The following RP2 variants were observed in gnomAD, a reference collection of about 807,000 sequenced individuals.
RP2 encodes RP2 activator of ARL3 GTPase, also known as protein XRP2.
In RP2, 3 loss-of-function variants were observed where a neutral mutation model predicts 20.3. The observed-to-expected ratio is 0.15, with a 90% confidence interval of 0.07 to 0.38. RP2 has a LOEUF of 0.38. Ranked by LOEUF, RP2 falls within the 10% of genes least tolerant of loss-of-function variation. RP2 has a pLI of 1.00. For missense variants in RP2, 233 were observed against 268.5 expected (o/e 0.87, Z 0.92); for synonymous variants, 75 against 94.8 (o/e 0.79, Z 1.22).
chrX:46,856,564 G>A (rs988831640), intron 2 of RP2, among the ~76,000 whole-genome samples: 8 of 112,196 alleles, frequency 7.1e-5, no homozygotes, highest in Middle Eastern at 4.7e-3. Context: ...ACCATAAAGA[G>A]GGTAAGTACC....
At chrX:46,847,779 C>CACACGTGTGTGTGTAT (rs1569531400) in intron 1 of RP2, among the ~76,000 whole-genome samples, 2 of 81,985 alleles carry the variant, frequency 2.4e-5, no homozygotes, top group South Asian at 1.1e-3. Context: ...TGTGTGTGTA[C>CACACGTGTGTGTGTAT]ATACACACAT....
chrX:46,864,471 G>A (rs781866879), intron 3 of RP2, among the ~76,000 whole-genome samples: 9 of 106,615 alleles, frequency 8.4e-5, no homozygotes, highest in African/African-American at 2.8e-4. Context: ...CTCTGACTCC[G>A]GAGCTCGAGC....
At position 46,879,788 on chromosome X, in the gene RP2, G is replaced by T; in HGVS notation, c.*19G>T. The T allele has an allele frequency of 9.6e-7, 1 of 1,044,937 alleles. No individual in the cohort carries two copies. The highest frequency in any genetic ancestry group is 1.3e-6 in the Non-Finnish European group (1 of 751,541). 86.1% of individuals were successfully genotyped at this position (1,044,937 alleles called of 1,213,427 possible). On this transcript the variant is annotated 3_prime_UTR_variant, in exon 5 of 5. Transcript: ENST00000218340. Reference sequence around the variant, plus strand: ...AATATGAAGTGCAATGTGGAACCAGGACTTGGTATTAAGCCTTTCCCAACT... The same window carrying T: ...AATATGAAGTGCAATGTGGAACCAGTACTTGGTATTAAGCCTTTCCCAACT...
In RP2 at chrX:46,881,951, CTTA is replaced by C. The variant is rs1279717101; in HGVS notation, c.*2187_*2189del. The C allele has an allele frequency of 8.9e-6, 1 of 111,991 alleles. No individual in the cohort carries two copies. Among genetic ancestry groups the C allele is most frequent in the Non-Finnish European group, 1.9e-5 (1 of 53,210 alleles). 9.2% of individuals were successfully genotyped at this position (111,991 alleles called of 1,213,427 possible). Reference sequence around the variant, plus strand: ...TGTTAATTTAAAAATTTCCACTACACTTATTATCTATTAACCAAAGCTTAAAAT... The same window carrying C: ...TGTTAATTTAAAAATTTCCACTACACTTATCTATTAACCAAAGCTTAAAAT... On this transcript the variant is annotated 3_prime_UTR_variant, in exon 5 of 5. Transcript: ENST00000218340.
At chrX:46,842,642 T>C (rs963876535) in intron 1 of RP2, among the ~76,000 whole-genome samples, 3 of 111,943 alleles carry the variant, frequency 2.7e-5, no homozygotes, top group Non-Finnish European at 3.8e-5. Context: ...TTCTCGTCTC[T>C]CCGAGCCCCT....
intron 1 of RP2, among the ~76,000 whole-genome samples, chrX:46,847,787 C>CGTGTGTGTGTATATACACACAT (rs1924770032): frequency 0.1 from 8,609 of 82,468 alleles, 537 homozygotes; most frequent in East Asian, 0.29. Context: ...TACATACACA[C>CGTGTGTGTGTATATACACACAT]ATGTGTGTGT....
At chrX:46,842,693 A>G (rs982767772) in intron 1 of RP2, among the ~76,000 whole-genome samples, 7 of 111,742 alleles carry the variant, frequency 6.3e-5, no homozygotes, top group East Asian at 2.8e-4. Context: ...AAGTGTTCCT[A>G]TTTTGGACAT....
chrX:46,841,136 A>G (rs1326838528), intron 1 of RP2, among the ~76,000 whole-genome samples: 3 of 111,723 alleles, frequency 2.7e-5, no homozygotes, highest in Non-Finnish European at 5.6e-5. Context: ...AACTGGTTTT[A>G]ACATAAGGCA....
At chrX:46,846,660 G>A (rs1420787295) in intron 1 of RP2, among the ~76,000 whole-genome samples, 1 of 111,839 alleles carries the variant, frequency 8.9e-6, no homozygotes, top group Non-Finnish European at 1.9e-5. Flanking sequence ...ATGCCATTTT[G>A]CCTACCAGCA....
rs146778600 is a variant in RP2 at position 46,861,221 on chromosome X, C to T, written c.883+1119C>T. On this transcript the variant is annotated intron_variant, in intron 3 of 4. Coordinates refer to ENST00000218340, the MANE Select transcript of RP2 (RefSeq NM_006915.3). ...AGAGTTAGGAATAAAGTGAGCATATCGGTAGAGCTAAATTAATGATTTATG... is the reference window on the plus strand; with the variant it reads ...AGAGTTAGGAATAAAGTGAGCATATTGGTAGAGCTAAATTAATGATTTATG... 1.2e-3 allele frequency among the ~76,000 whole-genome samples: 136 copies of T among 111,972 alleles called. 2 individuals are homozygous for T. The East Asian group carries it at 0.019, about 15-fold the overall frequency.
At chrX:46,848,034 T>C (rs1556317301) in intron 1 of RP2, among the ~76,000 whole-genome samples, 1 of 104,443 alleles carries the variant, frequency 9.6e-6, no homozygotes, top group Non-Finnish European at 2.0e-5. Context: ...ACAGAGATAA[T>C]TATAGTACAC....
chrX:46,872,790 C>T (rs1556326923), intron 3 of RP2, among the ~76,000 whole-genome samples: 4 of 111,455 alleles, frequency 3.6e-5, no homozygotes, highest in Non-Finnish European at 7.5e-5. Flanking sequence ...CAGGCTGGAG[C>T]GCAGTGGCTT....
intron 2 of RP2, among the ~76,000 whole-genome samples, chrX:46,857,487 AG>A (rs782670035): frequency 2.3e-4 from 26 of 112,031 alleles, no homozygotes; most frequent in Non-Finnish European, 4.9e-4. Flanking sequence ...TGAACCCACG[AG>A]GCGGAGGTTG....
intron 2 of RP2, among the ~76,000 whole-genome samples, chrX:46,859,488 CAAAAA>C (rs782748761): frequency 1.5e-5 from 1 of 66,989 alleles, no homozygotes; most frequent in South Asian, 6.6e-4. Context: ...CACCCTATCT[CAAAAA>C]AAAAAAAAAA....
chrX:46,848,881 T>G (rs1309312671), intron 1 of RP2, among the ~76,000 whole-genome samples: 1 of 107,230 alleles, frequency 9.3e-6, no homozygotes. Flanking sequence ...ATACAAAAAT[T>G]AGTTGTGCAT....
At position 46,837,248 on chromosome X, in the gene RP2, C is replaced by T. The variant is rs368684899; in HGVS notation, c.102+46C>T. The T allele has an allele frequency of 2.8e-4, 308 of 1,107,070 alleles. No homozygotes were observed. The African/African-American group carries it at 5.2e-3, about 19-fold the overall frequency. The allele number at this position is 1,107,070 out of a possible 1,213,427, so 91.2% of individuals were successfully genotyped here. A position where few individuals can be genotyped will look rare whatever the true frequency, so the allele number is the denominator to read the frequency against. On this transcript the variant is annotated intron_variant, in intron 1 of 4. Transcript: ENST00000218340. The stretch of plus-strand genomic sequence containing the variant: ...GCCGTCTCAGCCTCCCTGAGCCGCT[C>T]CGCCAGGTCCCTTACGGCCCGGGAC...
intron 1 of RP2, among the ~76,000 whole-genome samples, chrX:46,852,657 AC>A (rs1202822506): frequency 1.8e-5 from 2 of 110,884 alleles, no homozygotes; most frequent in Non-Finnish European, 3.8e-5. Context: ...ATCTCGGCTC[AC>A]TGCAACCTCC....
At chrX:46,856,435 C>T (rs969848423) in intron 2 of RP2, among the ~76,000 whole-genome samples, 7 of 111,874 alleles carry the variant, frequency 6.3e-5, no homozygotes, top group Non-Finnish European at 1.1e-4. Flanking sequence ...CTAACACTTA[C>T]ATAGTGTTTA....
Position 46,877,492 on chromosome X carries a change from G to C in RP2, c.884-13G>C. 8.8e-7 allele frequency: 1 copy of C among 1,139,954 alleles called. No homozygotes were observed. Among genetic ancestry groups the C allele is most frequent in the Non-Finnish European group, 1.2e-6 (1 of 830,312 alleles). The allele number at this position is 1,139,954 out of a possible 1,213,427, so 93.9% of individuals were successfully genotyped here. A position where few individuals can be genotyped will look rare whatever the true frequency, so the allele number is the denominator to read the frequency against. ...ATTTGTGTTAAGAAAATGTTTCTTG[G>C]GTTTGCTTATAGGTCCTGTTATTGC... On this transcript the variant is annotated splice_polypyrimidine_tract_variant and intron_variant, in intron 3 of 4. Coordinates refer to ENST00000218340, the MANE Select transcript of RP2 (RefSeq NM_006915.3).
Sources: allele counts gnomAD v4.1 joint callset (sites outside exome capture counted in the v4.1 genomes callset), GRCh38; gene constraint gnomAD v4.1.1; transcripts MANE v1.5; gene names NCBI Gene and HGNC (gene_info 2026-07-23, HGNC 2026-07-21).